Variants in C21orf58 observed in about 807,000 individuals in gnomAD.
C21orf58 encodes chromosome 21 open reading frame 58, also known as uncharacterized protein C21orf58.
C21orf58 carries 34 observed loss-of-function variants against 35.8 expected under a neutral mutation model. The observed-to-expected ratio is 0.95, with a 90% CI of 0.72 to 1.26. The LOEUF is 1.26. C21orf58 is among the 50% of genes most tolerant of loss of function. The pLI, the probability that C21orf58 is intolerant of heterozygous loss-of-function variation, is 0.00. For missense variants in C21orf58, 440 were observed against 414.3 expected (o/e 1.06, Z -0.54); for synonymous variants, 191 against 175.8 (o/e 1.09, Z -0.68).
In C21orf58 at chr21:46,304,176, G is replaced by C. The variant is rs1438291057; in HGVS notation, c.722-1600C>G. 2.7e-5 allele frequency among the ~76,000 whole-genome samples: 4 copies of C among 149,730 alleles called. No individual in the cohort carries two copies. The East Asian group carries it at 8.0e-4, about 30-fold the overall frequency. ...TGAGTAGCTGGGACTACAAGCACCC[G>C]CCACCACGCCCGGCTAATTTTGTTT... On this transcript the variant is annotated intron_variant, in intron 6 of 7. Transcript: ENST00000291691.
chr21:46,300,868 A>G, downstream of C21orf58: 3 of 1,101,550 alleles, frequency 2.7e-6, no homozygotes, highest in Middle Eastern at 2.4e-4. Context: ...GCAAAGAAAC[A>G]TAATTGCACC....
chr21:46,303,814 C>T (rs1473497698), intron 6 of C21orf58, among the ~76,000 whole-genome samples: 5 of 132,442 alleles, frequency 3.8e-5, no homozygotes, highest in East Asian at 2.3e-4. Context: ...TGCAGTGGTG[C>T]GATCTCGACT....
chr21:46,309,227 G>A (rs138533240), intron 6 of C21orf58, among the ~76,000 whole-genome samples: 1,782 of 152,240 alleles, frequency 0.012, 20 homozygotes, highest in African/African-American at 0.024. Flanking sequence ...TTAGGAGGCC[G>A]AGGCAGGCAG....
chr21:46,313,628 G>A (rs561811878), intron 5 of C21orf58, among the ~76,000 whole-genome samples: 3 of 152,304 alleles, frequency 2.0e-5, no homozygotes, highest in Admixed American at 1.3e-4. Flanking sequence ...ATGACCCCCC[G>A]TACTCCCTTC....
intron 2 of C21orf58, 52 bp downstream of exon 2, chr21:46,317,958 AAC>A (rs1476985594): frequency 1.0e-5 from 16 of 1,593,626 alleles, no homozygotes; most frequent in Non-Finnish European, 1.3e-5. Flanking sequence ...GAGTCCCTCC[AAC>A]GCCACAGCCT....
intron 6 of C21orf58, among the ~76,000 whole-genome samples, chr21:46,310,735 A>G (rs2082642617): frequency 6.6e-6 from 1 of 151,846 alleles, no homozygotes; most frequent in Non-Finnish European, 1.5e-5. Flanking sequence ...GCTTGAACCC[A>G]GGAGGCAGAG....
At chr21:46,322,457 G>A in intron 1 of C21orf58, 182 bp downstream of exon 1, 1 of 985,332 alleles carries the variant, frequency 1.0e-6, no homozygotes. Flanking sequence ...CGTAACAGTT[G>A]TGAGATTCAG....
intron 6 of C21orf58, among the ~76,000 whole-genome samples, chr21:46,306,634 C>A (rs1176539241): frequency 6.6e-6 from 1 of 152,204 alleles, no homozygotes. Flanking sequence ...CTTGCCCAGA[C>A]TGCAGTACAG....
chr21:46,301,781 G>T lies in C21orf58; in HGVS notation c.*218C>A. The T allele has an allele frequency of 2.4e-6, 3 of 1,237,214 alleles. No individual in the cohort carries two copies. The highest frequency in any genetic ancestry group is 3.0e-6 in the Non-Finnish European group (3 of 990,970). The allele number at this position is 1,237,214 out of a possible 1,614,324, so 76.6% of individuals were successfully genotyped here. ...TGGGGTTCACAGGCCCCTCACTGCA[G>T]GGGACCCGGAGCAAGGGATGCCCCC... On this transcript the variant is annotated 3_prime_UTR_variant, in exon 8 of 8. Transcript: ENST00000291691.
Position 46,312,886 on chromosome 21 carries a change from T to A in C21orf58, c.610-1319A>T, listed in dbSNP as rs540351454. On this transcript the variant is annotated intron_variant, in intron 5 of 7. Transcript: ENST00000291691. ...TGGTTAATTACTGTCCTCCATCATA[T>A]ACTGTAGTACATATATAGAACACGT... 28 of 526,260 alleles carry A rather than the reference T, an allele frequency of 5.3e-5. No individual in the cohort carries two copies. The South Asian group carries it at 2.2e-3, about 41-fold the overall frequency. 32.6% of individuals were successfully genotyped at this position (526,260 alleles called of 1,614,324 possible). A position where few individuals can be genotyped will look rare whatever the true frequency, so the allele number is the denominator to read the frequency against.
At chr21:46,322,505 T>G in intron 1 of C21orf58, 134 bp downstream of exon 1, 3 of 1,284,788 alleles carry the variant, frequency 2.3e-6, no homozygotes, top group Non-Finnish European at 3.0e-6. Context: ...AGTGTGATCC[T>G]GTGGGTGCAG....
chr21:46,303,735 ATATATATATATTTTTTTTTTTTTT>A (rs2082263703), intron 6 of C21orf58, among the ~76,000 whole-genome samples: 1 of 28,126 alleles, frequency 3.6e-5, no homozygotes, highest in East Asian at 5.5e-4. Flanking sequence ...ATATATATAT[ATATATATATATTTTTTTTTTTTTT>A]TTTTTTTTTG....
chr21:46,315,418 A>G, intron 4 of C21orf58, 56 bp downstream of exon 4: 1 of 1,081,108 alleles, frequency 9.2e-7, no homozygotes, highest in Non-Finnish European at 1.4e-6. Context: ...AAGGCTGAGC[A>G]GCTATCTCTG....
chr21:46,301,169 G>T lies in C21orf58; in HGVS notation c.*830C>A. 1 of 790,626 alleles carries T rather than the reference G, an allele frequency of 1.3e-6. No homozygotes were observed. The highest frequency in any genetic ancestry group is 1.9e-5 in the African/African-American group (1 of 53,340). The allele number at this position is 790,626 out of a possible 1,614,324, so 49.0% of individuals were successfully genotyped here. A position where few individuals can be genotyped will look rare whatever the true frequency, so the allele number is the denominator to read the frequency against. On this transcript the variant is annotated 3_prime_UTR_variant, in exon 8 of 8. Transcript: ENST00000291691. ...TTTTTATTTTATTTTTGAGACAGGG[G>T]CCTGCTCTGTGGTCCAGGCTATAGT...
chr21:46,303,732 TATATATATA>T (rs1569116315), intron 6 of C21orf58, among the ~76,000 whole-genome samples: 1 of 31,710 alleles, frequency 3.2e-5, no homozygotes, highest in Non-Finnish European at 5.7e-5. Flanking sequence ...TATATATATA[TATATATATA>T]TATATTTTTT....
chr21:46,314,543 G>A (rs2082884885), intron 5 of C21orf58, among the ~76,000 whole-genome samples, 173 bp downstream of exon 5: 1 of 152,242 alleles, frequency 6.6e-6, no homozygotes, highest in Non-Finnish European at 1.5e-5. Context: ...GCAGTCCGGG[G>A]AGGCCCAGGC....
chr21:46,317,300 T>C (rs755821740), intron 2 of C21orf58, 32 bp from the exon 3 acceptor site: 1 of 1,605,424 alleles, frequency 6.2e-7, no homozygotes, highest in Admixed American at 1.7e-5. Flanking sequence ...ACAGAGACGG[T>C]GGCTCCACGC....
chr21:46,321,421 T>C (rs893679484), intron 1 of C21orf58, among the ~76,000 whole-genome samples: 6 of 152,202 alleles, frequency 3.9e-5, no homozygotes, highest in African/African-American at 1.4e-4. Flanking sequence ...GTCCACACTT[T>C]GACAGTTTCC....
rs201658639 is a variant in C21orf58, at chr21:46,313,980, A to AT, written c.609+735dup. Among the ~76,000 whole-genome samples the AT allele has an allele frequency of 6.0e-3, 913 of 151,998 alleles. 11 individuals are homozygous for AT. Among genetic ancestry groups the AT allele is most frequent in the African/African-American group, 0.021 (854 of 41,444 alleles). On this transcript the variant is annotated intron_variant, in intron 5 of 7. Transcript: ENST00000291691. ...TGGGTGCCTGGTTTCCCTCTGATCC[A>AT]TTTTTTGCTTCAGAAAGTCAGAGTT... is the stretch of plus-strand genomic sequence containing the variant.
Sources: allele counts gnomAD v4.1 joint callset (sites outside exome capture counted in the v4.1 genomes callset), GRCh38; gene constraint gnomAD v4.1.1; transcripts MANE v1.5; gene names NCBI Gene and HGNC (gene_info 2026-07-23, HGNC 2026-07-21).